The following KAZN variants were observed in gnomAD, a reference collection of about 807,000 sequenced individuals.
KAZN encodes kazrin.
Under a neutral mutation model 87.4 loss-of-function variants are expected in KAZN, and 40 were observed. The observed-to-expected ratio is 0.46, with a 90% CI of 0.36 to 0.60. The LOEUF is 0.60. KAZN is among the 20% of genes least tolerant of loss of function. KAZN has a pLI of 0.00. For missense variants in KAZN, 898 were observed against 1,073.9 expected, an observed-to-expected ratio of 0.84 and a Z score of 2.29; for synonymous variants, 466 against 458.3, an observed-to-expected ratio of 1.02 and a Z score of -0.22.
At position 14,952,276 on chromosome 1, in the gene KAZN, G is replaced by C. The variant is rs563130391; in HGVS notation, c.227-8408G>C. Among the ~76,000 whole-genome samples the C allele has an allele frequency of 3.0e-4, 44 of 148,586 alleles. 1 individual carries two copies. In the South Asian group the frequency reaches 8.5e-3, roughly 29 times the overall value. ...TGTGTGTGTGTGTGTGTGTGTGTGT[G>C]TCTCAAGCAAACACACTAGTGTTTC... On this transcript the variant is annotated intron_variant, in intron 1 of 14. Coordinates refer to ENST00000376030, the MANE Select transcript of KAZN (RefSeq NM_201628.3).
At chr1:14,524,828 G>A (rs1671779788) in intron 2 of KAZN, among the ~76,000 whole-genome samples, 1 of 152,228 alleles carries the variant, frequency 6.6e-6, no homozygotes, top group South Asian at 2.1e-4. Context: ...ATTTCGTGAT[G>A]AGAACAGGTT....
chr1:14,337,555 G>A (rs1360455708), intron 2 of KAZN, among the ~76,000 whole-genome samples: 2 of 152,158 alleles, frequency 1.3e-5, no homozygotes, highest in African/African-American at 4.8e-5. Flanking sequence ...TTCCTCCATT[G>A]TTCCTGTTTT....
chr1:14,326,466 T>C (rs1430182591), intron 2 of KAZN, among the ~76,000 whole-genome samples: 1 of 152,204 alleles, frequency 6.6e-6, no homozygotes, highest in Non-Finnish European at 1.5e-5. Flanking sequence ...GTTGCCCCCA[T>C]CCTTGCCGTT....
At chr1:14,421,617 G>A (rs1000431711) in intron 2 of KAZN, among the ~76,000 whole-genome samples, 9 of 152,114 alleles carry the variant, frequency 5.9e-5, no homozygotes, top group African/African-American at 2.2e-4. Flanking sequence ...AACATAAGCC[G>A]ACTTATGTTC....
chr1:14,375,987 G>GC lies in KAZN; in HGVS notation c.249+195400dup, dbSNP rs1373984397. On this transcript the variant is annotated intron_variant, in intron 2 of 16. Transcript: ENST00000636203. ...TCATTGGAGTATGTATGGAGCCAAG[G>GC]CCCCCTTGCAAATACTCCAGGGGAC... 3.3e-5 allele frequency among the ~76,000 whole-genome samples: 5 copies of GC among 151,904 alleles called. No individual in the cohort carries two copies. The East Asian group carries it at 9.7e-4, about 29-fold the overall frequency.
rs116513267 is a variant in KAZN, at chr1:14,392,993, A to G, written c.250-205990A>G. On this transcript the variant is annotated intron_variant, in intron 2 of 16. Coordinates refer to the KAZN transcript ENST00000636203. ...GACTTCCTTCCATGGTGCAGTGGTC[A>G]ATAAATGTGAAGTCAAGCGCAAGGG... 3.0e-3 allele frequency among the ~76,000 whole-genome samples: 457 copies of G among 152,268 alleles called. 3 individuals carry two copies. The highest frequency in any genetic ancestry group is 0.01 in the African/African-American group (416 of 41,542).
chr1:14,000,983 C>T (rs1004228021), intron 1 of KAZN, among the ~76,000 whole-genome samples: 16 of 151,618 alleles, frequency 1.1e-4, no homozygotes, highest in South Asian at 2.1e-4. Flanking sequence ...GGGGTTTCAC[C>T]GTTTTAGCCG....
chr1:14,724,945 T>C (rs1161502795), intron 1 of KAZN, among the ~76,000 whole-genome samples: 1 of 152,166 alleles, frequency 6.6e-6, no homozygotes, highest in African/African-American at 2.4e-5. Context: ...TATGAGTCAA[T>C]GGGAAGAAAA....
At position 14,459,768 on chromosome 1, in the gene KAZN, ATATACT is replaced by A. The variant is rs565040276; in HGVS notation, c.250-139212_250-139207del. Among the ~76,000 whole-genome samples, 494 of 152,314 alleles carry A rather than the reference ATATACT, an allele frequency of 3.2e-3. 1 individual carries two copies. The highest frequency in any genetic ancestry group is 5.8e-3 in the Non-Finnish European group (393 of 68,026). ...GGCCCTTGTCTATTGCAAAAGAAAC[ATATACT>A]TAAATAGCATCTGTAAACAGAATCA... is the stretch of plus-strand genomic sequence containing the variant. On this transcript the variant is annotated intron_variant, in intron 2 of 16. Transcript: ENST00000636203.
chr1:14,454,054 T>A (rs1273148614), intron 2 of KAZN, among the ~76,000 whole-genome samples: 1 of 152,224 alleles, frequency 6.6e-6, no homozygotes, highest in African/African-American at 2.4e-5. Context: ...GCCTTTTCTT[T>A]CAACTGGACA....
At chr1:14,041,192 A>G (rs935025991) in intron 1 of KAZN, among the ~76,000 whole-genome samples, 6 of 152,124 alleles carry the variant, frequency 3.9e-5, no homozygotes, top group Admixed American at 1.3e-4. Context: ...TGTTGCTTTC[A>G]TATTATACCT....
intron 1 of KAZN, among the ~76,000 whole-genome samples, chr1:14,756,344 G>A (rs1054987017): frequency 7.2e-5 from 11 of 152,080 alleles, no homozygotes; most frequent in Non-Finnish European, 1.2e-4. Flanking sequence ...AGCACGCCCC[G>A]GCAAGAGGTC....
At chr1:14,000,943 C>A (rs111268372) in intron 1 of KAZN, among the ~76,000 whole-genome samples, 1 of 151,864 alleles carries the variant, frequency 6.6e-6, no homozygotes, top group Non-Finnish European at 1.5e-5. Flanking sequence ...CCACTACGCC[C>A]GGCTAATTTT....
intron 1 of KAZN, among the ~76,000 whole-genome samples, chr1:13,995,500 A>T (rs1180347352): frequency 6.6e-6 from 1 of 152,236 alleles, no homozygotes; most frequent in Non-Finnish European, 1.5e-5. Context: ...TTTTTTCTGA[A>T]AACTGAAACA....
At chr1:14,350,452 C>T (rs1658453861) in intron 2 of KAZN, among the ~76,000 whole-genome samples, 1 of 152,198 alleles carries the variant, frequency 6.6e-6, no homozygotes, top group Non-Finnish European at 1.5e-5. Context: ...ACCTTGTAAA[C>T]AGCCTAGGAC....
At chr1:14,470,399 A>C (rs1001122900) in intron 2 of KAZN, among the ~76,000 whole-genome samples, 4 of 152,196 alleles carry the variant, frequency 2.6e-5, no homozygotes, top group African/African-American at 9.6e-5. Context: ...GAAAGAAGGC[A>C]AGAGGAAGGG....
intron 1 of KAZN, among the ~76,000 whole-genome samples, chr1:14,950,008 A>G (rs577159490): frequency 6.6e-6 from 1 of 152,106 alleles, no homozygotes; most frequent in South Asian, 2.1e-4. Context: ...TTTCAACACC[A>G]CCTAACGGAA....
chr1:14,826,329 G>T (rs1008301571), intron 1 of KAZN, among the ~76,000 whole-genome samples: 2 of 152,238 alleles, frequency 1.3e-5, no homozygotes, highest in Non-Finnish European at 2.9e-5. Context: ...ATTGTCAGGC[G>T]CTCTGGCGTT....
chr1:14,377,616 T>C (rs1000832151), intron 2 of KAZN, among the ~76,000 whole-genome samples: 15 of 152,200 alleles, frequency 9.9e-5, no homozygotes, highest in South Asian at 2.1e-4. Context: ...TGGTGAGTCA[T>C]TGGCAAGCTT....
Sources: gnomAD v4.1 joint callset for allele counts (sites outside exome capture counted in the v4.1 genomes callset) on GRCh38, gnomAD v4.1.1 for gene constraint, MANE v1.5 for transcripts, NCBI Gene and HGNC (gene_info 2026-07-23, HGNC 2026-07-21) for gene names.